GUCY1A2: variants seen among roughly 807,000 people sequenced by gnomAD.
GUCY1A2 encodes guanylate cyclase 1 soluble subunit alpha 2.
In GUCY1A2, 27 loss-of-function variants were observed where a neutral mutation model predicts 63.5. That is an observed-to-expected ratio of 0.43 (90% CI 0.31 to 0.59). The LOEUF (loss-of-function observed/expected upper bound fraction) is 0.59, where lower values mean the gene tolerates loss of function less well. GUCY1A2 is among the 20% of genes least tolerant of loss of function. The pLI, the probability that GUCY1A2 is intolerant of heterozygous loss-of-function variation, is 0.11. For synonymous variants in GUCY1A2, 364 were observed against 343.5 expected, an observed-to-expected ratio of 1.06 and a Z score of -0.66; for missense variants, 768 against 913.3, an observed-to-expected ratio of 0.84 and a Z score of 2.05.
chr11:107,010,590 T>C (rs1285462153), intron 1 of GUCY1A2, among the ~76,000 whole-genome samples: 2 of 152,160 alleles, frequency 1.3e-5, no homozygotes, highest in Non-Finnish European at 2.9e-5. Context: ...TACTTGAATA[T>C]GTCTATCACA....
chr11:106,949,413 C>T (rs190329793), intron 3 of GUCY1A2, among the ~76,000 whole-genome samples: 289 of 152,264 alleles, frequency 1.9e-3, no homozygotes, highest in Admixed American at 3.1e-3. Flanking sequence ...CATTTACAGG[C>T]TTCTGTACAT....
intron 7 of GUCY1A2, among the ~76,000 whole-genome samples, chr11:106,700,516 A>T (rs987042697): frequency 6.6e-6 from 1 of 152,200 alleles, no homozygotes; most frequent in Non-Finnish European, 1.5e-5. Flanking sequence ...TTATTGGCAC[A>T]TTTAAAAGGG....
In GUCY1A2 at chr11:106,897,097, T is replaced by G. The variant is rs544691386; in HGVS notation, c.1206+42363A>C. Among the ~76,000 whole-genome samples, 6 of 152,254 alleles carry G rather than the reference T, an allele frequency of 3.9e-5. No individual in the cohort carries two copies. The East Asian group carries it at 7.7e-4, about 20-fold the overall frequency. On this transcript the variant is annotated intron_variant, in intron 4 of 7. Coordinates refer to ENST00000526355, the MANE Select transcript of GUCY1A2 (RefSeq NM_000855.3). ...TTTAAAATTAAAAATACAATACATT[T>G]ACATTAGCATACCCCAAAATAAAAT...
chr11:106,814,780 C>G (rs1858809085), intron 4 of GUCY1A2, among the ~76,000 whole-genome samples: 2 of 151,882 alleles, frequency 1.3e-5, no homozygotes, highest in Admixed American at 1.3e-4. Flanking sequence ...GACCTACATG[C>G]CAAACCTAAA....
intron 5 of GUCY1A2, among the ~76,000 whole-genome samples, chr11:106,783,325 G>C (rs1436922281): frequency 2.0e-5 from 3 of 152,178 alleles, no homozygotes; most frequent in African/African-American, 4.8e-5. Context: ...TCAGCACATA[G>C]ACATCACTGT....
chr11:106,812,291 A>T (rs1011228988), intron 4 of GUCY1A2, among the ~76,000 whole-genome samples: 2 of 151,808 alleles, frequency 1.3e-5, no homozygotes, highest in South Asian at 4.1e-4. Context: ...ACTTCTATGT[A>T]GTCTCTCTCT....
intron 3 of GUCY1A2, among the ~76,000 whole-genome samples, chr11:106,965,542 C>T (rs1028653521): frequency 6.6e-6 from 1 of 152,202 alleles, no homozygotes; most frequent in African/African-American, 2.4e-5. Flanking sequence ...ACTTCCACTT[C>T]TCTTGGGATG....
intron 1 of GUCY1A2, among the ~76,000 whole-genome samples, chr11:106,999,259 CAGAG>C (rs1206713347): frequency 1.3e-5 from 2 of 152,028 alleles, no homozygotes; most frequent in African/African-American, 4.8e-5. Flanking sequence ...GGAATAAAGA[CAGAG>C]AGAGAGAATA....
chr11:106,927,216 A>G (rs1163697954), intron 4 of GUCY1A2, among the ~76,000 whole-genome samples: 1 of 151,496 alleles, frequency 6.6e-6, no homozygotes, highest in Non-Finnish European at 1.5e-5. Flanking sequence ...TACTAAAAAT[A>G]CAAAAAGTTG....
chr11:106,827,002 A>G (rs1242859673), intron 4 of GUCY1A2: 2 of 1,609,788 alleles, frequency 1.2e-6, no homozygotes, highest in Non-Finnish European at 1.7e-6. Context: ...TTCCACATAG[A>G]CAGGCCACAT....
chr11:106,975,387 A>G (rs1861249138), intron 3 of GUCY1A2, among the ~76,000 whole-genome samples: 2 of 152,224 alleles, frequency 1.3e-5, no homozygotes. Context: ...AGCTAAAAAT[A>G]GGCTTTGCAG....
chr11:106,790,182 T>A (rs565637333), intron 5 of GUCY1A2, among the ~76,000 whole-genome samples: 1 of 152,284 alleles, frequency 6.6e-6, no homozygotes, highest in South Asian at 2.1e-4. Context: ...TCTATTCTAG[T>A]GTGGTTGAGC....
intron 6 of GUCY1A2, among the ~76,000 whole-genome samples, chr11:106,745,355 T>A: frequency 6.6e-6 from 1 of 152,238 alleles, no homozygotes; most frequent in East Asian, 1.9e-4. Context: ...AGAAGTACTT[T>A]GTCTAATTGG....
At chr11:106,856,297 G>GA (rs540125456) in intron 4 of GUCY1A2, among the ~76,000 whole-genome samples, 1 of 151,938 alleles carries the variant, frequency 6.6e-6, no homozygotes, top group East Asian at 1.9e-4. Flanking sequence ...CTCAAAAAAA[G>GA]AAAAAACGTG....
intron 4 of GUCY1A2, among the ~76,000 whole-genome samples, chr11:106,865,367 T>C (rs1859577304): frequency 6.6e-6 from 1 of 152,090 alleles, no homozygotes; most frequent in South Asian, 2.1e-4. Context: ...GAAGGGTTTT[T>C]TGTGTCTCTA....
At chr11:106,848,055 A>C (rs1270804915) in intron 4 of GUCY1A2, among the ~76,000 whole-genome samples, 1 of 151,668 alleles carries the variant, frequency 6.6e-6, no homozygotes, top group East Asian at 1.9e-4. Context: ...CTGTGGGCCC[A>C]ATGAAGTTTA....
chr11:106,999,887 C>A (rs1326989258), intron 1 of GUCY1A2, among the ~76,000 whole-genome samples: 1 of 152,152 alleles, frequency 6.6e-6, no homozygotes, highest in African/African-American at 2.4e-5. Context: ...GTCAAGAAAG[C>A]TAGATTGATG....
chr11:107,014,157 C>T (rs1190507349), intron 1 of GUCY1A2, among the ~76,000 whole-genome samples: 5 of 134,278 alleles, frequency 3.7e-5, no homozygotes, highest in South Asian at 2.4e-4. Flanking sequence ...GGCGCAATCT[C>T]GGCTCACTAC....
chr11:106,772,999 G>C (rs984751345), intron 6 of GUCY1A2, among the ~76,000 whole-genome samples: 1 of 151,888 alleles, frequency 6.6e-6, no homozygotes, highest in Non-Finnish European at 1.5e-5. Flanking sequence ...TTTCATCACT[G>C]GTAGGAGTGG....
Sources: allele counts gnomAD v4.1 joint callset (sites outside exome capture counted in the v4.1 genomes callset), GRCh38; gene constraint gnomAD v4.1.1; transcripts MANE v1.5; gene names NCBI Gene and HGNC (gene_info 2026-07-23, HGNC 2026-07-21).